Variants in NIPBL observed in about 807,000 individuals in gnomAD.
NIPBL encodes the protein nipped-B-like protein.
In NIPBL, 19 loss-of-function variants were observed where a neutral mutation model predicts 321.8. That is an observed-to-expected ratio of 0.06 (90% CI 0.04 to 0.09). The LOEUF is 0.09. Ranked by LOEUF, NIPBL falls within the 10% of genes least tolerant of loss-of-function variation. The pLI, the probability that NIPBL is intolerant of heterozygous loss-of-function variation, is 1.00. For synonymous variants in NIPBL, 1,106 were observed against 1,114.1 expected, an observed-to-expected ratio of 0.99 and a Z score of 0.14; for missense variants, 2,210 against 3,327.0, an observed-to-expected ratio of 0.66 and a Z score of 8.26.
intron 1 of NIPBL, among the ~76,000 whole-genome samples, chr5:36,953,370 A>G (rs1338051339): frequency 6.6e-6 from 1 of 152,178 alleles, no homozygotes; most frequent in Non-Finnish European, 1.5e-5. Flanking sequence ...CTCACTGTAA[A>G]TTAATTTCCT....
chr5:37,058,880 T>A lies in NIPBL; in HGVS notation c.7411-11T>A. ...TGTTTTTATTGTTTATCAAACGATT[T>A]TTTCTTTCAGTCTATGGTAAAGGAC... is the stretch of plus-strand genomic sequence containing the variant. On this transcript the variant is annotated splice_polypyrimidine_tract_variant and intron_variant, in intron 43 of 46. Transcript: ENST00000282516. 1 of 1,613,400 alleles carries A rather than the reference T, an allele frequency of 6.2e-7. No individual in the cohort carries two copies. Among genetic ancestry groups the A allele is most frequent in the Non-Finnish European group, 8.5e-7 (1 of 1,179,688 alleles).
At chr5:36,911,102 C>T (rs745799970) in intron 1 of NIPBL, among the ~76,000 whole-genome samples, 14 of 152,098 alleles carry the variant, frequency 9.2e-5, no homozygotes, top group South Asian at 2.1e-4. Context: ...TGTAGAAACC[C>T]GCTAGAAATT....
intron 6 of NIPBL, among the ~76,000 whole-genome samples, chr5:36,964,941 C>T (rs1742038756): frequency 6.6e-6 from 1 of 152,116 alleles, no homozygotes; most frequent in African/African-American, 2.4e-5. Flanking sequence ...GAACATCACT[C>T]ATCATCAGAG....
rs376095079 is a variant in NIPBL at position 36,985,759 on chromosome 5, G to A, written c.2579G>A (p.Ser860Asn). ...SRNEHGIKSD[S>N]SKTDKLERKH... ...AATGAACATGGCATTAAATCTGATA[G>A]TTCAAAAACTGATAAACTAGAACGA... Residue 860 changes from serine to asparagine, a missense_variant, in exon 10 of 47, where the codon AGT (serine) becomes AAT (asparagine). Physicochemically the swap from Ser to Asn is conservative, Grantham distance 46 (BLOSUM62 1). Coordinates refer to ENST00000282516, the MANE Select transcript of NIPBL (RefSeq NM_133433.4). 6.2e-7 allele frequency: 1 copy of A among 1,613,720 alleles called. No homozygotes were observed. The highest frequency in any genetic ancestry group is 8.5e-7 in the Non-Finnish European group (1 of 1,179,892).
chr5:36,931,773 C>A (rs547664302), intron 1 of NIPBL, among the ~76,000 whole-genome samples: 2 of 122,142 alleles, frequency 1.6e-5, no homozygotes, highest in African/African-American at 6.3e-5. Flanking sequence ...TGAATTCATT[C>A]GTATGTCTCT....
intron 1 of NIPBL, among the ~76,000 whole-genome samples, chr5:36,948,535 T>G (rs1169550222): frequency 6.6e-6 from 1 of 151,964 alleles, no homozygotes; most frequent in African/African-American, 2.4e-5. Flanking sequence ...ACCAGAATCG[T>G]ATCTTACATC....
Position 37,063,832 on chromosome 5 carries a change from G to A in NIPBL, c.7903G>A (p.Glu2635Lys). The change falls in exon 46 of 47, where the codon GAA becomes AAA. Residue 2635 changes from glutamate (E) to lysine (K), a missense_variant. By Grantham distance (56) the Glu-to-Lys change is moderately conservative. Transcript: ENST00000282516. ...ACATCTGGACCCTGATGAAGAAGAA[G>A]AAGAAGGGGAGGTTTCAGCTAGCAC... The part of the protein sequence containing the change: ...MEHLDPDEEE[E>K]EGEVSASTNA... 6.2e-7 allele frequency: 1 copy of A among 1,614,040 alleles called. No homozygotes were observed.
At chr5:36,953,817 A>G in intron 2 of NIPBL, 57 bp downstream of exon 2, 2 of 1,371,062 alleles carry the variant, frequency 1.5e-6, no homozygotes, top group Non-Finnish European at 1.0e-6. Context: ...AATAATTTTT[A>G]CAGTGACTGT....
rs151126042 is a variant in NIPBL at position 37,029,093 on chromosome 5, T to C, written c.5862+1681T>C. Among the ~76,000 whole-genome samples, 835 of 152,342 alleles carry C rather than the reference T, an allele frequency of 5.5e-3. 8 individuals carry two copies. The highest frequency in any genetic ancestry group is 0.024 in the Middle Eastern group (7 of 294). On this transcript the variant is annotated intron_variant, in intron 32 of 46. Coordinates refer to ENST00000282516, the MANE Select transcript of NIPBL (RefSeq NM_133433.4). Reference sequence around the variant, plus strand: ...AATACCTCATAGGTGGTGTTGAATATTATTGCATCACAGCAGGAAGCACAT... The same window carrying C: ...AATACCTCATAGGTGGTGTTGAATACTATTGCATCACAGCAGGAAGCACAT...
intron 1 of NIPBL, among the ~76,000 whole-genome samples, chr5:36,897,639 T>C (rs994781683): frequency 6.6e-6 from 1 of 152,160 alleles, no homozygotes; most frequent in African/African-American, 2.4e-5. Context: ...ATGTCAACAT[T>C]TTCATTTAGT....
chr5:36,915,574 G>T lies in NIPBL; in HGVS notation c.-79-38044G>T, dbSNP rs533953758. 2.4e-4 allele frequency among the ~76,000 whole-genome samples: 36 copies of T among 152,188 alleles called. No individual in the cohort carries two copies. In the South Asian group the frequency reaches 6.4e-3, roughly 27 times the overall value. ...CAAAATCATACTCTTATGAACAAACGCCAAAGCTATATCATAACTATGGAA... is the reference window on the plus strand; with the variant it reads ...CAAAATCATACTCTTATGAACAAACTCCAAAGCTATATCATAACTATGGAA... On this transcript the variant is annotated intron_variant, in intron 1 of 46. Transcript: ENST00000282516.
At chr5:36,911,450 T>A (rs993916844) in intron 1 of NIPBL, among the ~76,000 whole-genome samples, 1 of 152,228 alleles carries the variant, frequency 6.6e-6, no homozygotes. Context: ...GTAGGAAATA[T>A]TCCCTGCTTT....
rs1182725100 is a variant in NIPBL at position 36,962,236 on chromosome 5, A to G, written c.572A>G (p.His191Arg). Residue 191 changes from histidine (H) to arginine (R), a missense_variant, in exon 6 of 47, where the codon CAT becomes CGT. Physicochemically the swap from His to Arg is conservative, Grantham distance 29. Coordinates refer to ENST00000282516, the MANE Select transcript of NIPBL (RefSeq NM_133433.4). ...QSPAGYMPYSHPSSYTTHPQM... is the reference protein window; with the variant it reads ...QSPAGYMPYSRPSSYTTHPQM... ...CCTGCAGGATACATGCCATATTCCC[A>G]TCCTTCAAGTTACACAACACATCCA... 1.9e-6 allele frequency: 3 copies of G among 1,613,990 alleles called. No individual in the cohort carries two copies. The highest frequency in any genetic ancestry group is 1.3e-5 in the African/African-American group (1 of 74,918).
intron 10 of NIPBL, among the ~76,000 whole-genome samples, chr5:36,986,678 TACAG>T (rs1405454841): frequency 4.6e-5 from 7 of 152,190 alleles, no homozygotes; most frequent in Admixed American, 4.6e-4. Flanking sequence ...ACTACATTCT[TACAG>T]ACCTGTGTCT....
chr5:37,002,010 A>G (rs755922230), intron 14 of NIPBL, among the ~76,000 whole-genome samples: 60 of 152,126 alleles, frequency 3.9e-4, no homozygotes, highest in Admixed American at 6.6e-5. Flanking sequence ...TTAGGGTCCA[A>G]AAGTACAAAG....
At chr5:37,002,063 A>G (rs1746873735) in intron 14 of NIPBL, among the ~76,000 whole-genome samples, 1 of 152,160 alleles carries the variant, frequency 6.6e-6, no homozygotes, top group Admixed American at 6.6e-5. Flanking sequence ...GTTATTTACA[A>G]AGAGACCAGT....
chr5:36,928,601 T>C (rs1027498702), intron 1 of NIPBL, among the ~76,000 whole-genome samples: 3 of 152,232 alleles, frequency 2.0e-5, no homozygotes, highest in Non-Finnish European at 4.4e-5. Context: ...TGTTTAAGTA[T>C]ACAATTTAAT....
At position 37,049,166 on chromosome 5, in the gene NIPBL, G is replaced by C; in HGVS notation, c.6819G>C (p.Gly2273=). 6.2e-7 allele frequency: 1 copy of C among 1,614,132 alleles called. No homozygotes were observed. Among genetic ancestry groups the C allele is most frequent in the Non-Finnish European group, 8.5e-7 (1 of 1,179,984 alleles). The change falls in exon 40 of 47, where the codon GGG becomes GGC. Residue 2273 remains glycine (G), a synonymous_variant. Coordinates refer to ENST00000282516, the MANE Select transcript of NIPBL (RefSeq NM_133433.4). The part of the protein sequence containing the change: ...DLKEMGDVSS[G]MSSSIMQLYL... ...AAGAAATGGGTGATGTTTCCTCAGG[G>C]ATGAGTAGTTCCATCATGCAGCTTT...
chr5:36,952,217 A>G (rs1393264868), intron 1 of NIPBL, among the ~76,000 whole-genome samples: 1 of 152,102 alleles, frequency 6.6e-6, no homozygotes, highest in East Asian at 1.9e-4. Flanking sequence ...TTGCATTCAG[A>G]CATAATGAGT....
Sources: allele counts gnomAD v4.1 joint callset (sites outside exome capture counted in the v4.1 genomes callset), GRCh38; gene constraint gnomAD v4.1.1; transcripts MANE v1.5; gene names NCBI Gene and HGNC (gene_info 2026-07-23, HGNC 2026-07-21).